Variants in CNTN5 observed in about 807,000 individuals in gnomAD.
CNTN5 encodes the protein contactin-5.
In CNTN5, 77 loss-of-function variants were observed where a neutral mutation model predicts 129.1. That is an observed-to-expected ratio of 0.60 (90% CI 0.50 to 0.72). The LOEUF (loss-of-function observed/expected upper bound fraction) is 0.72, where lower values mean the gene tolerates loss of function less well. CNTN5 is among the 30% of genes least tolerant of loss of function. CNTN5 has a pLI of 0.00. For synonymous variants in CNTN5, 509 were observed against 465.6 expected (o/e 1.09, Z -1.20); for missense variants, 1,478 against 1,328.8 (o/e 1.11, Z -1.75).
intron 4 of CNTN5, among the ~76,000 whole-genome samples, chr11:99,842,029 G>A (rs1455110110): frequency 6.6e-6 from 1 of 151,794 alleles, no homozygotes; most frequent in Non-Finnish European, 1.5e-5. Context: ...TGGAATTACA[G>A]GCATGCACCC....
chr11:99,708,388 C>A (rs745576580), intron 3 of CNTN5, among the ~76,000 whole-genome samples: 2 of 151,640 alleles, frequency 1.3e-5, no homozygotes, highest in Non-Finnish European at 2.9e-5. Flanking sequence ...GTTTGCATGA[C>A]AAAGACAAAT....
chr11:99,442,828 G>C (rs1452694693), intron 2 of CNTN5, among the ~76,000 whole-genome samples: 3 of 152,172 alleles, frequency 2.0e-5, no homozygotes, highest in Non-Finnish European at 4.4e-5. Context: ...TGTGAACGAA[G>C]TGATACAAAA....
chr11:99,446,495 CTTCT>C (rs1045964021), intron 2 of CNTN5, among the ~76,000 whole-genome samples: 10 of 152,086 alleles, frequency 6.6e-5, no homozygotes, highest in African/African-American at 2.4e-4. Flanking sequence ...TCTTCCAATC[CTTCT>C]ATTTCAGTCA....
intron 1 of CNTN5, among the ~76,000 whole-genome samples, chr11:99,036,685 A>G (rs1863752225): frequency 6.6e-6 from 1 of 152,174 alleles, no homozygotes; most frequent in Non-Finnish European, 1.5e-5. Flanking sequence ...TACTCCCACT[A>G]TTAGTGTATT....
intron 13 of CNTN5, among the ~76,000 whole-genome samples, chr11:100,096,614 T>G (rs1733654660): frequency 6.6e-6 from 1 of 152,042 alleles, no homozygotes; most frequent in South Asian, 2.1e-4. Context: ...ACGTACAAAT[T>G]ATGACTACCT....
chr11:99,975,096 CT>C (rs1269432552), intron 8 of CNTN5, among the ~76,000 whole-genome samples: 1 of 152,188 alleles, frequency 6.6e-6, no homozygotes, highest in Non-Finnish European at 1.5e-5. Context: ...CTGATTTTGC[CT>C]TTGTTTAAAT....
chr11:100,160,988 T>C lies in CNTN5; in HGVS notation c.1581-30138T>C, dbSNP rs74883725. On this transcript the variant is annotated intron_variant, in intron 13 of 24. Transcript: ENST00000524871. Reference sequence around the variant, plus strand: ...CAGTATGACTCCAGAGCTTGTATTCTTAAGAGTTTTCAGAATATCTTCCAT... The same window carrying C: ...CAGTATGACTCCAGAGCTTGTATTCCTAAGAGTTTTCAGAATATCTTCCAT... Among the ~76,000 whole-genome samples the C allele has an allele frequency of 9.3e-3, 1,419 of 152,056 alleles. 25 individuals carry two copies. Among genetic ancestry groups the C allele is most frequent in the African/African-American group, 0.033 (1,354 of 41,520 alleles).
intron 6 of CNTN5, among the ~76,000 whole-genome samples, chr11:99,892,239 A>C (rs1949080338): frequency 6.6e-6 from 1 of 152,044 alleles, no homozygotes; most frequent in African/African-American, 2.4e-5. Flanking sequence ...CTTTGTCAGA[A>C]GGATAGATTG....
At chr11:100,318,910 T>G (rs910495307) in intron 21 of CNTN5, among the ~76,000 whole-genome samples, 7 of 151,908 alleles carry the variant, frequency 4.6e-5, no homozygotes, top group African/African-American at 1.7e-4. Flanking sequence ...TAGCCGAGAC[T>G]TTATTTTCCA....
chr11:99,861,036 A>G (rs1195296503), intron 6 of CNTN5, among the ~76,000 whole-genome samples: 1 of 148,560 alleles, frequency 6.7e-6, no homozygotes, highest in Non-Finnish European at 1.5e-5. Context: ...TCTCACTGCA[A>G]ACTGCGCCTC....
chr11:99,497,738 T>C (rs2135372333), intron 2 of CNTN5, among the ~76,000 whole-genome samples: 1 of 152,306 alleles, frequency 6.6e-6, no homozygotes, highest in African/African-American at 2.4e-5. Context: ...AAAGATGGGA[T>C]GTACCTGACA....
Position 100,228,996 on chromosome 11 carries a change from A to C in CNTN5, c.2005+4184A>C, listed in dbSNP as rs559994006. ...GTGACAGAAAGGCATTAATCTAAGC[A>C]CAGGGCCCCGAACTTGCAAGTTCGC... On this transcript the variant is annotated intron_variant, in intron 16 of 24. Transcript: ENST00000524871. Among the ~76,000 whole-genome samples the C allele has an allele frequency of 7.9e-5, 12 of 152,282 alleles. 1 individual carries two copies. In the South Asian group the frequency reaches 2.5e-3, roughly 32 times the overall value.
chr11:99,634,745 T>C (rs890714440), intron 3 of CNTN5, among the ~76,000 whole-genome samples: 2 of 152,160 alleles, frequency 1.3e-5, no homozygotes, highest in African/African-American at 4.8e-5. Flanking sequence ...CTCTTCTCTG[T>C]CACTCCACTT....
chr11:99,192,943 A>T (rs1045165937), intron 1 of CNTN5, among the ~76,000 whole-genome samples: 13 of 152,068 alleles, frequency 8.5e-5, no homozygotes, highest in Non-Finnish European at 1.8e-4. Flanking sequence ...TTTTTTTGGC[A>T]TTTGTGTATT....
chr11:99,972,057 G>C (rs1191500414), intron 8 of CNTN5, among the ~76,000 whole-genome samples: 1 of 137,352 alleles, frequency 7.3e-6, no homozygotes, highest in African/African-American at 2.8e-5. Context: ...AGACCATCCT[G>C]GCTAACACGG....
rs545814532 is a variant in CNTN5 at position 99,693,400 on chromosome 11, C to T, written c.56-126144C>T. On this transcript the variant is annotated intron_variant, in intron 3 of 24. Coordinates refer to ENST00000524871, the MANE Select transcript of CNTN5 (RefSeq NM_014361.4). ...TAGAAATAAATGTGAAATTATGATA[C>T]ATAGTACAAAAGAAGTTACAACCTG... Among the ~76,000 whole-genome samples, 3 of 151,872 alleles carry T rather than the reference C, an allele frequency of 2.0e-5. No homozygotes were observed. In the South Asian group the frequency reaches 6.2e-4, roughly 32 times the overall value.
intron 21 of CNTN5, among the ~76,000 whole-genome samples, chr11:100,315,014 A>G (rs1951549692): frequency 6.6e-6 from 1 of 152,204 alleles, no homozygotes; most frequent in South Asian, 2.1e-4. Context: ...TGAAGTTTGC[A>G]GTCTAGCAAG....
intron 1 of CNTN5, among the ~76,000 whole-genome samples, chr11:99,187,825 G>A (rs1394296756): frequency 1.3e-5 from 2 of 151,580 alleles, no homozygotes; most frequent in African/African-American, 4.8e-5. Flanking sequence ...TTATAATTAT[G>A]TAAAACATTA....
chr11:99,650,155 A>G (rs1952100681), intron 3 of CNTN5, among the ~76,000 whole-genome samples: 1 of 151,932 alleles, frequency 6.6e-6, no homozygotes, highest in African/African-American at 2.4e-5. Context: ...TTATTACTCA[A>G]GTTGAATCTT....
Sources: allele counts gnomAD v4.1 joint callset (sites outside exome capture counted in the v4.1 genomes callset), GRCh38; gene constraint gnomAD v4.1.1; transcripts MANE v1.5; gene names NCBI Gene and HGNC (gene_info 2026-07-23, HGNC 2026-07-21).